The following HSD11B1 variants were observed in gnomAD, a reference collection of about 807,000 sequenced individuals.
HSD11B1 encodes the protein hydroxysteroid 11-beta dehydrogenase 1, also known as 11-beta-hydroxysteroid dehydrogenase 1.
In HSD11B1, 15 loss-of-function variants were observed where a neutral mutation model predicts 22.1. The observed-to-expected ratio is 0.68, with a 90% CI of 0.45 to 1.04. HSD11B1 has a LOEUF of 1.04. Ranked by LOEUF, HSD11B1 falls within the 50% of genes least tolerant of loss-of-function variation. The pLI is 0.00. For missense variants in HSD11B1, 281 were observed against 357.6 expected (o/e 0.79, Z 1.73); for synonymous variants, 122 against 125.2 (o/e 0.97, Z 0.17).
chr1:209,733,320 C>A (rs2077047106), intron 5 of HSD11B1, among the ~76,000 whole-genome samples: 1 of 152,012 alleles, frequency 6.6e-6, no homozygotes, highest in African/African-American at 2.4e-5. Context: ...TGAACAAAAC[C>A]AAATCAAGGA....
intron 4 of HSD11B1, among the ~76,000 whole-genome samples, chr1:209,712,624 T>C (rs1263735188): frequency 6.6e-6 from 1 of 152,218 alleles, no homozygotes; most frequent in Non-Finnish European, 1.5e-5. Flanking sequence ...GAGAGATGAC[T>C]GTACTCAGAG....
At chr1:209,715,233 T>C (rs1426455468) in intron 4 of HSD11B1, among the ~76,000 whole-genome samples, 1 of 152,126 alleles carries the variant, frequency 6.6e-6, no homozygotes, top group Non-Finnish European at 1.5e-5. Flanking sequence ...AATCCTCTAG[T>C]GTTGGATTGC....
At chr1:209,701,078 C>T (rs1286187822), upstream of HSD11B1, among the ~76,000 whole-genome samples, 1 of 152,236 alleles carries the variant, frequency 6.6e-6, no homozygotes, top group African/African-American at 2.4e-5. Flanking sequence ...CAACCTCTGC[C>T]TGTTACCCAG....
At chr1:209,716,710 A>T (rs2076932705) in intron 4 of HSD11B1, among the ~76,000 whole-genome samples, 1 of 152,218 alleles carries the variant, frequency 6.6e-6, no homozygotes, top group South Asian at 2.1e-4. Context: ...GTAGGAAAAT[A>T]GACAAAACAA....
At chr1:209,716,935 G>A (rs1430526369) in intron 4 of HSD11B1, among the ~76,000 whole-genome samples, 1 of 152,068 alleles carries the variant, frequency 6.6e-6, no homozygotes, top group Non-Finnish European at 1.5e-5. Context: ...TTAAATGTAA[G>A]ACCTGAAACT....
chr1:209,706,304 C>A lies in HSD11B1; in HGVS notation c.219+363C>A, dbSNP rs989228266. On this transcript the variant is annotated intron_variant, in intron 2 of 5. Coordinates refer to ENST00000367027, the MANE Select transcript of HSD11B1 (RefSeq NM_005525.4). This position sits in a 1 kb window ranked among gnomAD's most constrained non-coding sequence, Gnocchi z 4.0. Reference sequence around the variant, plus strand: ...CAGTACCTGCTTATGAATACATATCCTCATACCCATGCAGACTCCCAGACA... The same window carrying A: ...CAGTACCTGCTTATGAATACATATCATCATACCCATGCAGACTCCCAGACA... Among the ~76,000 whole-genome samples the A allele has an allele frequency of 1.3e-5, 2 of 152,112 alleles. No homozygotes were observed. The highest frequency in any genetic ancestry group is 4.8e-5 in the African/African-American group (2 of 41,394).
intron 4 of HSD11B1, among the ~76,000 whole-genome samples, chr1:209,722,004 A>G (rs900461828): frequency 2.6e-5 from 4 of 152,196 alleles, no homozygotes; most frequent in Non-Finnish European, 4.4e-5. Context: ...GTCGGTGGAT[A>G]TAGACACAGG....
intron 4 of HSD11B1, among the ~76,000 whole-genome samples, chr1:209,726,634 G>C (rs2077004500): frequency 6.6e-6 from 1 of 152,046 alleles, no homozygotes; most frequent in African/African-American, 2.4e-5. Flanking sequence ...AAGCATCCAT[G>C]TCATGAATTT....
upstream of HSD11B1, among the ~76,000 whole-genome samples, chr1:209,703,614 TA>T (rs2102366966): frequency 6.6e-6 from 1 of 152,350 alleles, no homozygotes; most frequent in East Asian, 1.9e-4. Context: ...TATTTTCTCT[TA>T]CTCTAAAGTG....
chr1:209,721,746 C>A (rs2102390638), intron 4 of HSD11B1, among the ~76,000 whole-genome samples: 1 of 152,326 alleles, frequency 6.6e-6, no homozygotes, highest in Non-Finnish European at 1.5e-5. Flanking sequence ...TCCTGGGCAG[C>A]CCCCATCCAC....
chr1:209,729,251 C>G (rs551029165), intron 4 of HSD11B1, among the ~76,000 whole-genome samples: 1 of 152,028 alleles, frequency 6.6e-6, no homozygotes, highest in South Asian at 2.1e-4. Context: ...CCCAGCTACT[C>G]GGGAGGTTGA....
At chr1:209,711,230 A>G (rs1005217405) in intron 4 of HSD11B1, among the ~76,000 whole-genome samples, 3 of 152,186 alleles carry the variant, frequency 2.0e-5, no homozygotes, top group African/African-American at 7.2e-5. Context: ...ATAGACAAGG[A>G]TATACAGATG....
At chr1:209,733,168 T>C (rs1357363358) in intron 5 of HSD11B1, among the ~76,000 whole-genome samples, 2 of 152,196 alleles carry the variant, frequency 1.3e-5, no homozygotes, top group Non-Finnish European at 2.9e-5. Flanking sequence ...AAATACAAGT[T>C]TGTGTTTCTT....
At chr1:209,728,823 G>A (rs1208605493) in intron 4 of HSD11B1, among the ~76,000 whole-genome samples, 1 of 152,184 alleles carries the variant, frequency 6.6e-6, no homozygotes, top group Non-Finnish European at 1.5e-5. Context: ...ATAACTTTTT[G>A]AGACACTCCA....
At chr1:209,688,246 G>A (rs534763499) in intron 1 of HSD11B1, among the ~76,000 whole-genome samples, 2 of 152,110 alleles carry the variant, frequency 1.3e-5, no homozygotes, top group East Asian at 3.9e-4. Flanking sequence ...CCTCTGCTTG[G>A]GATGCCTTTC....
chr1:209,691,957 C>A (rs918002059), intron 1 of HSD11B1, among the ~76,000 whole-genome samples: 6 of 151,824 alleles, frequency 4.0e-5, no homozygotes, highest in Non-Finnish European at 8.8e-5. Flanking sequence ...GTCAGTGGGA[C>A]CAGGGCTGAG....
At chr1:209,708,219 G>A (rs1002784189) in intron 4 of HSD11B1, among the ~76,000 whole-genome samples, 6 of 152,154 alleles carry the variant, frequency 3.9e-5, no homozygotes, top group African/African-American at 1.4e-4. Flanking sequence ...TTGTTGATTA[G>A]TCAGTTAGAA....
chr1:209,693,822 A>G (rs2076775213), intron 1 of HSD11B1, among the ~76,000 whole-genome samples: 1 of 152,174 alleles, frequency 6.6e-6, no homozygotes, highest in African/African-American at 2.4e-5. Context: ...TAAACATTGC[A>G]TTCCCTCAGG....
intron 1 of HSD11B1, among the ~76,000 whole-genome samples, chr1:209,686,609 A>G (rs557214634): frequency 1.8e-4 from 28 of 152,366 alleles, no homozygotes; most frequent in South Asian, 1.7e-3. Context: ...AGATAGTATA[A>G]AAAGTGTCTG....
Sources: gnomAD v4.1 joint callset for allele counts (sites outside exome capture counted in the v4.1 genomes callset) on GRCh38, gnomAD v4.1.1 for gene constraint, Gnocchi (gnomAD v3.1) non-coding constraint, MANE v1.5 for transcripts, NCBI Gene and HGNC (gene_info 2026-07-23, HGNC 2026-07-21) for gene names.